The following MEGF10 variants were observed in gnomAD, a reference collection of about 807,000 sequenced individuals.
MEGF10 encodes multiple EGF like domains 10.
A neutral mutation model predicts 147.5 loss-of-function variants in MEGF10; 86 were observed. The ratio of observed to expected loss-of-function variants is 0.58; its 90% CI spans 0.49 to 0.70. The LOEUF (loss-of-function observed/expected upper bound fraction) is 0.70, where lower values mean the gene tolerates loss of function less well. Among genes scored for constraint, MEGF10 ranks in the 30% least tolerant of loss-of-function variants. The pLI is 0.00. For missense variants in MEGF10, 1,329 were observed against 1,487.3 expected (o/e 0.89, Z 1.75); for synonymous variants, 478 against 525.5 (o/e 0.91, Z 1.24).
chr5:127,319,732 A>G (rs944793792), intron 1 of MEGF10, among the ~76,000 whole-genome samples: 5 of 152,220 alleles, frequency 3.3e-5, no homozygotes, highest in African/African-American at 1.2e-4. Context: ...GTCTTTGGCT[A>G]ACTAATCAAT....
intron 4 of MEGF10, among the ~76,000 whole-genome samples, chr5:127,356,447 A>T (rs1762284341): frequency 1.3e-5 from 2 of 152,210 alleles, no homozygotes; most frequent in Non-Finnish European, 2.9e-5. Context: ...GTTAAGACAG[A>T]GAAACTCAGA....
chr5:127,419,593 C>G (rs995762599), intron 11 of MEGF10, among the ~76,000 whole-genome samples: 12 of 152,132 alleles, frequency 7.9e-5, no homozygotes, highest in Admixed American at 6.5e-4. Flanking sequence ...ACGTGTCCAT[C>G]CATAGGTGCA....
In MEGF10 at chr5:127,434,860, A is replaced by C. The variant is rs1004910645; in HGVS notation, c.1975+39A>C. On this transcript the variant is annotated intron_variant, in intron 15 of 24. Transcript: ENST00000503335. ...CATCCCGGACAGCTGGGTGGTGATG[A>C]GCACGCCCCGGAGAGTCTGTCCTCA... 1.9e-6 allele frequency: 3 copies of C among 1,596,002 alleles called. No individual in the cohort carries two copies. The African/African-American group carries it at 4.0e-5, about 21-fold the overall frequency.
At chr5:127,295,441 T>A (rs1561553419) in intron 1 of MEGF10, among the ~76,000 whole-genome samples, 1 of 152,146 alleles carries the variant, frequency 6.6e-6, no homozygotes, top group Non-Finnish European at 1.5e-5. Flanking sequence ...ACCTTTGTCT[T>A]ACTTAGTTTA....
At chr5:127,356,977 T>C (rs1310734130) in intron 4 of MEGF10, among the ~76,000 whole-genome samples, 1 of 152,216 alleles carries the variant, frequency 6.6e-6, no homozygotes, top group Non-Finnish European at 1.5e-5. Context: ...GAAGAAATAG[T>C]TCTCTGGATC....
intron 20 of MEGF10, 64 bp downstream of exon 20, chr5:127,445,757 A>G: frequency 6.7e-6 from 8 of 1,187,802 alleles, no homozygotes; most frequent in Non-Finnish European, 1.0e-5. Flanking sequence ...CGGGTTCTTT[A>G]AAACTGGGTG....
chr5:127,387,893 G>A (rs147665564), intron 5 of MEGF10, among the ~76,000 whole-genome samples: 1 of 152,248 alleles, frequency 6.6e-6, no homozygotes, highest in African/African-American at 2.4e-5. Context: ...GGAAAATTAG[G>A]CTGAGGGTTT....
Position 127,417,819 on chromosome 5 carries a change from G to A in MEGF10, c.1305+7G>A, listed in dbSNP as rs1374759389. ...CTGTGCCCCAGGATTCAAAGTGAGT[G>A]ACTAGGGCTCTGGAGGAAGGAGAAG... On this transcript the variant is annotated splice_region_variant and intron_variant, in intron 10 of 24. Transcript: ENST00000503335. 3 of 1,613,142 alleles carry A rather than the reference G, an allele frequency of 1.9e-6. No individual in the cohort carries two copies. The highest frequency in any genetic ancestry group is 2.2e-5 in the East Asian group (1 of 44,882).
At chr5:127,283,597 G>C in the MEGF10 span, among the ~76,000 whole-genome samples, 2 of 152,202 alleles carry the variant, frequency 1.3e-5, no homozygotes, top group African/African-American at 4.8e-5. Context: ...AAACAATACA[G>C]AATAGAACTT....
chr5:127,313,389 A>G (rs1760381998), intron 1 of MEGF10, among the ~76,000 whole-genome samples: 1 of 152,278 alleles, frequency 6.6e-6, no homozygotes, highest in Non-Finnish European at 1.5e-5. Context: ...TCTTAACCTG[A>G]CCCATAAAGC....
chr5:127,431,381 T>C (rs1193390772), intron 13 of MEGF10, among the ~76,000 whole-genome samples: 1 of 152,188 alleles, frequency 6.6e-6, no homozygotes, highest in East Asian at 1.9e-4. Context: ...CTCCATTCCA[T>C]CTTAACTGAA....
chr5:127,440,735 A>G lies in MEGF10; in HGVS notation c.2234-4A>G. On this transcript the variant is annotated splice_polypyrimidine_tract_variant and splice_region_variant and intron_variant, in intron 17 of 24. Coordinates refer to ENST00000503335, the MANE Select transcript of MEGF10 (RefSeq NM_001256545.2). ...GACTCCTACTGTCCTCCCTCCTCCC[A>G]CAGGATGTCCTCTAGGGTTTTATGG... is the stretch of plus-strand genomic sequence containing the variant. 6.2e-7 allele frequency: 1 copy of G among 1,613,660 alleles called. No homozygotes were observed. The highest frequency in any genetic ancestry group is 1.1e-5 in the South Asian group (1 of 91,042).
upstream of MEGF10, among the ~76,000 whole-genome samples, chr5:127,288,841 A>T (rs962224856): frequency 3.3e-5 from 5 of 152,242 alleles, no homozygotes; most frequent in African/African-American, 4.8e-5. Context: ...ATCATTTGGT[A>T]AACTGGCAAA....
At chr5:127,349,618 C>T (rs1332381385) in intron 4 of MEGF10, among the ~76,000 whole-genome samples, 1 of 151,746 alleles carries the variant, frequency 6.6e-6, no homozygotes, top group African/African-American at 2.4e-5. Flanking sequence ...TGGCTTATTT[C>T]ACTTACCGTA....
At position 127,417,640 on chromosome 5, in the gene MEGF10, G is replaced by C; in HGVS notation, c.1133G>C (p.Cys378Ser). The C allele has an allele frequency of 6.2e-7, 1 of 1,614,144 alleles. No homozygotes were observed. The highest frequency in any genetic ancestry group is 8.5e-7 in the Non-Finnish European group (1 of 1,179,994). ...TTCCTTTCATCCATGTCTCTCAGCT[G>C]TCACCCCATGTCTGGAGAGTGTGCC... ...CPCHLENTHS[C>S]HPMSGECACK... Residue 378 changes from cysteine to serine, a missense_variant and splice_region_variant, in exon 10 of 25, where the codon TGT (cysteine) becomes TCT (serine). Coordinates refer to ENST00000503335, the MANE Select transcript of MEGF10 (RefSeq NM_001256545.2).
At chr5:127,310,029 T>C (rs921463986) in intron 1 of MEGF10, among the ~76,000 whole-genome samples, 1,553 of 33,276 alleles carry the variant, frequency 0.047, 242 homozygotes, top group African/African-American at 0.13. Flanking sequence ...TTTCTTTCTT[T>C]CTTTCCTTCT....
chr5:127,319,862 G>A (rs1331891522), intron 1 of MEGF10, among the ~76,000 whole-genome samples: 1 of 152,198 alleles, frequency 6.6e-6, no homozygotes, highest in African/African-American at 2.4e-5. Context: ...TTTGCGTATA[G>A]CAATTCGTAT....
At chr5:127,407,723 A>G (rs1764387667) in intron 8 of MEGF10, among the ~76,000 whole-genome samples, 1 of 152,194 alleles carries the variant, frequency 6.6e-6, no homozygotes, top group Non-Finnish European at 1.5e-5. Context: ...ATTTGTTGGG[A>G]AATGGTGCTT....
chr5:127,336,267 A>G (rs1276383401), intron 2 of MEGF10, among the ~76,000 whole-genome samples: 2 of 151,812 alleles, frequency 1.3e-5, no homozygotes, highest in Non-Finnish European at 2.9e-5. Flanking sequence ...AAACATAATG[A>G]ATTTTATACT....
Sources: allele counts gnomAD v4.1 joint callset (sites outside exome capture counted in the v4.1 genomes callset), GRCh38; gene constraint gnomAD v4.1.1; transcripts MANE v1.5; gene names NCBI Gene and HGNC (gene_info 2026-07-23, HGNC 2026-07-21).